The following PTPN13 variants were observed in gnomAD, a reference collection of about 807,000 sequenced individuals.
The protein encoded by PTPN13 is protein tyrosine phosphatase non-receptor type 13, also known as tyrosine-protein phosphatase non-receptor type 13.
In PTPN13, 191 loss-of-function variants were observed where a neutral mutation model predicts 284.0. The observed-to-expected ratio is 0.67, with a 90% CI of 0.60 to 0.76. PTPN13 has a LOEUF of 0.76. PTPN13 is among the 30% of genes least tolerant of loss of function. PTPN13 has a pLI of 0.00. For synonymous variants in PTPN13, 986 were observed against 1,022.3 expected (o/e 0.96, Z 0.68); for missense variants, 2,797 against 2,939.9 (o/e 0.95, Z 1.12).
intron 2 of PTPN13, among the ~76,000 whole-genome samples, chr4:86,652,705 T>C (rs903465097): frequency 3.3e-5 from 5 of 152,170 alleles, no homozygotes; most frequent in Non-Finnish European, 7.4e-5. Context: ...ATCCTTCTCC[T>C]TTGAGTTTGA....
At chr4:86,740,366 G>A (rs1736033038) in intron 15 of PTPN13, among the ~76,000 whole-genome samples, 1 of 152,202 alleles carries the variant, frequency 6.6e-6, no homozygotes, top group Non-Finnish European at 1.5e-5. Context: ...TGCACTCACA[G>A]GCTCAACACC....
intron 7 of PTPN13, among the ~76,000 whole-genome samples, chr4:86,704,869 A>G (rs576622915): frequency 6.6e-6 from 1 of 152,316 alleles, no homozygotes; most frequent in South Asian, 2.1e-4. Flanking sequence ...TTAAACCTCC[A>G]TTATTATATA....
intron 3 of PTPN13, among the ~76,000 whole-genome samples, chr4:86,680,385 CTATCTATCTA>C (rs1311185770): frequency 2.6e-5 from 4 of 151,484 alleles, no homozygotes; most frequent in African/African-American, 7.3e-5. Context: ...ATCTATCTAT[CTATCTATCTA>C]TCTATCTCTA....
chr4:86,655,718 T>C (rs1367616973), intron 2 of PTPN13, among the ~76,000 whole-genome samples: 3 of 152,184 alleles, frequency 2.0e-5, no homozygotes, highest in Non-Finnish European at 4.4e-5. Context: ...CAATTATGTG[T>C]CTTGGAGTTG....
chr4:86,622,228 T>C (rs147227275), intron 1 of PTPN13, among the ~76,000 whole-genome samples: 1,756 of 152,304 alleles, frequency 0.012, 11 homozygotes, highest in Non-Finnish European at 0.013. Flanking sequence ...TTTTGTGCTC[T>C]GTAAATCAGT....
In PTPN13 at chr4:86,750,751, C is replaced by G. The variant is rs751237050; in HGVS notation, c.2932C>G (p.Leu978Val). ...KSYHDLSQAS[L>V]YPHRKNVIVN... is the part of the protein sequence containing the mutation. Reference sequence around the variant, plus strand: ...ATACCATGATCTCAGTCAGGCCTCTCTCTATCCACATCGGAAAAATGTCAT... The same window carrying G: ...ATACCATGATCTCAGTCAGGCCTCTGTCTATCCACATCGGAAAAATGTCAT... The change falls in exon 18 of 48, where the codon CTC becomes GTC. Residue 978 changes from leucine to valine, a missense_variant. By Grantham distance (32) the Leu-to-Val change is conservative. Coordinates refer to ENST00000411767, the MANE Select transcript of PTPN13 (RefSeq NM_080683.3). 1 of 1,613,626 alleles carries G rather than the reference C, an allele frequency of 6.2e-7. No individual in the cohort carries two copies.
intron 2 of PTPN13, among the ~76,000 whole-genome samples, chr4:86,667,583 G>A (rs2148875129): frequency 6.6e-6 from 1 of 152,216 alleles, no homozygotes; most frequent in East Asian, 1.9e-4. Context: ...TTTGTGCATT[G>A]TTATACCAGA....
chr4:86,600,491 A>G (rs1463751130), intron 1 of PTPN13, among the ~76,000 whole-genome samples: 18 of 139,186 alleles, frequency 1.3e-4, no homozygotes, highest in African/African-American at 4.6e-4. Flanking sequence ...TGCCTACAGA[A>G]CACTGGGAGT....
Position 86,771,400 on chromosome 4 carries a change from C to A in PTPN13, c.5033C>A (p.Ala1678Asp). ...ATATCAAATTCGACCTGGAGTTCAGCTTTGCATCAGACTCTAAGCAACATG... is the reference window on the plus strand; with the variant it reads ...ATATCAAATTCGACCTGGAGTTCAGATTTGCATCAGACTCTAAGCAACATG... ...ANISNSTWSS[A>D]LHQTLSNMVS... The change falls in exon 31 of 48, where the codon GCT becomes GAT. Residue 1678 changes from alanine (A) to aspartate (D), a missense_variant. Transcript: ENST00000411767. 1 of 1,567,638 alleles carries A rather than the reference C, an allele frequency of 6.4e-7. No homozygotes were observed.
chr4:86,746,094 G>A (rs1736732574), intron 17 of PTPN13, among the ~76,000 whole-genome samples: 1 of 152,112 alleles, frequency 6.6e-6, no homozygotes, highest in Non-Finnish European at 1.5e-5. Flanking sequence ...TTCTGAGATT[G>A]AGATGAATAA....
chr4:86,807,524 TA>T, intron 44 of PTPN13, 35 bp from the exon 45 acceptor site: 1 of 1,480,662 alleles, frequency 6.8e-7, no homozygotes, highest in Non-Finnish European at 9.2e-7. Context: ...AAATGCATGA[TA>T]TGGATGGCTC....
chr4:86,635,530 G>C (rs971435089), intron 2 of PTPN13, among the ~76,000 whole-genome samples, 159 bp downstream of exon 2: 1 of 152,092 alleles, frequency 6.6e-6, no homozygotes, highest in Non-Finnish European at 1.5e-5. Flanking sequence ...GGCTGAAAAA[G>C]CTCAGCTATT....
At chr4:86,628,937 A>G (rs1031614672) in intron 1 of PTPN13, among the ~76,000 whole-genome samples, 5 of 151,210 alleles carry the variant, frequency 3.3e-5, no homozygotes, top group East Asian at 2.0e-4. Context: ...AGTCTTTGCT[A>G]TTGTGAATAG....
intron 2 of PTPN13, chr4:86,661,204 C>T (rs1726448508): frequency 5.3e-6 from 2 of 378,608 alleles, no homozygotes; most frequent in Non-Finnish European, 1.0e-5. Context: ...ATAATATTTG[C>T]CTGGTTTTGG....
intron 20 of PTPN13, among the ~76,000 whole-genome samples, chr4:86,754,949 T>C (rs1374482441): frequency 2.0e-5 from 3 of 152,088 alleles, no homozygotes; most frequent in Non-Finnish European, 4.4e-5. Context: ...TCTGGCCAAG[T>C]AGCCTGAATT....
chr4:86,680,345 ATC>A (rs1324031879), intron 3 of PTPN13, among the ~76,000 whole-genome samples: 38 of 134,050 alleles, frequency 2.8e-4, no homozygotes, highest in African/African-American at 1.1e-3. Flanking sequence ...CTTTCTATCT[ATC>A]TCTATCTATC....
Position 86,729,720 on chromosome 4 carries a change from T to C in PTPN13, c.1609-2680T>C, listed in dbSNP as rs556398573. Among the ~76,000 whole-genome samples the C allele has an allele frequency of 3.3e-5, 5 of 149,834 alleles. 1 individual carries two copies. Among genetic ancestry groups the C allele is most frequent in the Admixed American group, 2.0e-4 (3 of 14,970 alleles). ...CATTTAAGGTCTTCTCTACACTGTTTATTCTAGTTAGCCATTCCTCTAACC... is the reference window on the plus strand; with the variant it reads ...CATTTAAGGTCTTCTCTACACTGTTCATTCTAGTTAGCCATTCCTCTAACC... On this transcript the variant is annotated intron_variant, in intron 10 of 47. Coordinates refer to ENST00000411767, the MANE Select transcript of PTPN13 (RefSeq NM_080683.3).
chr4:86,804,351 C>T (rs1044165813), intron 43 of PTPN13, among the ~76,000 whole-genome samples: 1 of 152,180 alleles, frequency 6.6e-6, no homozygotes, highest in African/African-American at 2.4e-5. Context: ...GACCTTGCCC[C>T]TCTTCCTCAA....
chr4:86,620,190 A>G (rs1721052718), intron 1 of PTPN13, among the ~76,000 whole-genome samples: 1 of 152,304 alleles, frequency 6.6e-6, no homozygotes, highest in Middle Eastern at 3.4e-3. Flanking sequence ...TTTTGAGACA[A>G]GTTCTTGCTC....
Sources: allele counts gnomAD v4.1 joint callset (sites outside exome capture counted in the v4.1 genomes callset), GRCh38; gene constraint gnomAD v4.1.1; transcripts MANE v1.5; gene names NCBI Gene and HGNC (gene_info 2026-07-23, HGNC 2026-07-21).